The following MND1 variants were observed in gnomAD, a reference collection of about 807,000 sequenced individuals.
The protein encoded by MND1 is meiotic nuclear divisions 1.
MND1 carries 28 observed loss-of-function variants against 35.1 expected under a neutral mutation model. The observed-to-expected ratio is 0.80, with a 90% CI of 0.59 to 1.09. The LOEUF is 1.09. MND1 is among the 50% of genes least tolerant of loss of function. MND1 has a pLI of 0.00. For synonymous variants in MND1, 69 were observed against 70.5 expected, an observed-to-expected ratio of 0.98 and a Z score of 0.11; for missense variants, 213 against 239.6, an observed-to-expected ratio of 0.89 and a Z score of 0.73.
At chr4:153,385,176 C>A (rs1348501701) in intron 4 of MND1, among the ~76,000 whole-genome samples, 2 of 152,156 alleles carry the variant, frequency 1.3e-5, no homozygotes, top group Non-Finnish European at 2.9e-5. Flanking sequence ...TGCATTACTT[C>A]ATTCCAGCCA....
At chr4:153,410,078 G>C (rs1470705363) in intron 7 of MND1, among the ~76,000 whole-genome samples, 11 of 152,048 alleles carry the variant, frequency 7.2e-5, no homozygotes, top group Admixed American at 6.6e-5. Flanking sequence ...CCCTCTCTCA[G>C]CCTACTTCCT....
At chr4:153,349,097 T>C (rs1773146812) in intron 1 of MND1, among the ~76,000 whole-genome samples, 1 of 95,008 alleles carries the variant, frequency 1.1e-5, no homozygotes, top group Non-Finnish European at 2.2e-5. Flanking sequence ...TCTCACTCTT[T>C]TTTTTTTTTT....
intron 4 of MND1, among the ~76,000 whole-genome samples, chr4:153,391,423 T>G (rs2149651404): frequency 6.6e-6 from 1 of 152,246 alleles, no homozygotes. Flanking sequence ...TGGGAACTCT[T>G]TTTTAAAAGA....
chr4:153,345,407 T>A lies in MND1; in HGVS notation c.3+667T>A, dbSNP rs1159895511. 21 of 985,564 alleles carry A rather than the reference T, an allele frequency of 2.1e-5. No homozygotes were observed. In the South Asian group the frequency reaches 9.4e-4, roughly 44 times the overall value. 61.1% of individuals were successfully genotyped at this position (985,564 alleles called of 1,614,324 possible). A position where few individuals can be genotyped will look rare whatever the true frequency, so the allele number is the denominator to read the frequency against. On this transcript the variant is annotated intron_variant, in intron 1 of 7. Coordinates refer to ENST00000240488, the MANE Select transcript of MND1 (RefSeq NM_032117.4). ...TGCCAAAGGGCAGGAGTCGCTGCTC[T>A]TGTGCCGGGTGCTGCTGGTTGTGTA...
intron 7 of MND1, among the ~76,000 whole-genome samples, chr4:153,412,484 C>CTTT (rs59668809): frequency 7.2e-6 from 1 of 138,556 alleles, no homozygotes. Flanking sequence ...TCCAAATTTC[C>CTTT]TTTTTTTTTT....
intron 5 of MND1, among the ~76,000 whole-genome samples, chr4:153,395,467 G>T (rs1729171492): frequency 6.6e-6 from 1 of 152,188 alleles, no homozygotes; most frequent in Non-Finnish European, 1.5e-5. Context: ...GTTCAGAAAC[G>T]TTCCTAAGAA....
intron 3 of MND1, among the ~76,000 whole-genome samples, chr4:153,357,855 A>G (rs1284468889): frequency 6.6e-6 from 1 of 152,216 alleles, no homozygotes; most frequent in African/African-American, 2.4e-5. Flanking sequence ...TTTCTGCAGT[A>G]TAAGATGATG....
At chr4:153,362,390 A>C (rs927928799) in intron 4 of MND1, among the ~76,000 whole-genome samples, 1 of 152,102 alleles carries the variant, frequency 6.6e-6, no homozygotes, top group African/African-American at 2.4e-5. Flanking sequence ...GTGAGTTCTC[A>C]TGAGATCTGG....
intron 4 of MND1, among the ~76,000 whole-genome samples, chr4:153,366,806 T>C (rs1773646533): frequency 6.6e-6 from 1 of 152,244 alleles, no homozygotes; most frequent in Non-Finnish European, 1.5e-5. Flanking sequence ...CTAAATATAT[T>C]ATCTCATTTA....
chr4:153,364,529 A>T (rs961078116), intron 4 of MND1, among the ~76,000 whole-genome samples: 1 of 151,920 alleles, frequency 6.6e-6, no homozygotes, highest in Admixed American at 6.6e-5. Context: ...AAAAAAAAAA[A>T]AAATCCATTT....
chr4:153,391,228 G>A (rs6825542), intron 4 of MND1, among the ~76,000 whole-genome samples: 52,653 of 151,276 alleles, frequency 0.35, 10,337 homozygotes, highest in African/African-American at 0.54. Flanking sequence ...CAGTGGTGCG[G>A]TCTCAACTCA....
At chr4:153,413,031 T>C (rs1217869249) in intron 7 of MND1, among the ~76,000 whole-genome samples, 1 of 152,152 alleles carries the variant, frequency 6.6e-6, no homozygotes, top group African/African-American at 2.4e-5. Flanking sequence ...GGTCTCGATC[T>C]CTTGACCTCA....
chr4:153,407,095 A>T (rs1314340197), intron 6 of MND1, among the ~76,000 whole-genome samples: 1 of 152,236 alleles, frequency 6.6e-6, no homozygotes, highest in Non-Finnish European at 1.5e-5. Flanking sequence ...TGGGTGTTAC[A>T]ATTCAAGATG....
chr4:153,355,089 T>C (rs577283948), intron 2 of MND1, among the ~76,000 whole-genome samples: 121 of 152,138 alleles, frequency 8.0e-4, no homozygotes, highest in African/African-American at 2.7e-3. Flanking sequence ...GTTTGAGCCC[T>C]GGAGGTCAAG....
intron 4 of MND1, among the ~76,000 whole-genome samples, chr4:153,390,044 T>TA: frequency 6.6e-6 from 1 of 151,884 alleles, no homozygotes; most frequent in East Asian, 1.9e-4. Flanking sequence ...TTTTTTTTTT[T>TA]TATATGCTAA....
intron 1 of MND1, among the ~76,000 whole-genome samples, chr4:153,346,779 C>T (rs1773085559): frequency 6.6e-6 from 1 of 152,188 alleles, no homozygotes; most frequent in Non-Finnish European, 1.5e-5. Flanking sequence ...CATTGCCTGC[C>T]TCTGGGGGGC....
At chr4:153,355,374 G>A (rs77258887) in intron 2 of MND1, among the ~76,000 whole-genome samples, 2,617 of 152,028 alleles carry the variant, frequency 0.017, 70 homozygotes, top group African/African-American at 0.057. Flanking sequence ...AGTAGAACAC[G>A]ATAGGGTGAC....
At chr4:153,408,432 A>C (rs889433195) in intron 6 of MND1, among the ~76,000 whole-genome samples, 1 of 152,222 alleles carries the variant, frequency 6.6e-6, no homozygotes, top group African/African-American at 2.4e-5. Context: ...AGTAACTCGA[A>C]GTACATAATA....
intron 7 of MND1, among the ~76,000 whole-genome samples, chr4:153,411,686 A>G (rs1295919345): frequency 1.3e-5 from 2 of 152,054 alleles, no homozygotes; most frequent in Non-Finnish European, 2.9e-5. Context: ...CCTCATTCTC[A>G]TTTCTGATCC....
Sources: gnomAD v4.1 joint callset for allele counts (sites outside exome capture counted in the v4.1 genomes callset) on GRCh38, gnomAD v4.1.1 for gene constraint, MANE v1.5 for transcripts, NCBI Gene and HGNC (gene_info 2026-07-23, HGNC 2026-07-21) for gene names.